The following SNX29 variants were observed in gnomAD, a reference collection of about 807,000 sequenced individuals.
The protein encoded by SNX29 is sorting nexin 29.
In SNX29, 78 loss-of-function variants were observed where a neutral mutation model predicts 102.1. That is an observed-to-expected ratio of 0.76 (90% CI 0.64 to 0.92). SNX29 has a LOEUF of 0.92. SNX29 is among the 40% of genes least tolerant of loss of function. The probability of loss-of-function intolerance (pLI) is 0.00; values close to 1 mark genes in which losing one functional copy is unlikely to be tolerated. For missense variants in SNX29, 1,280 were observed against 1,061.7 expected, an observed-to-expected ratio of 1.21 and a Z score of -2.86; for synonymous variants, 580 against 414.5, an observed-to-expected ratio of 1.40 and a Z score of -4.85.
intron 14 of SNX29, among the ~76,000 whole-genome samples, chr16:12,213,690 A>G (rs1047116561): frequency 1.9e-4 from 29 of 152,230 alleles, no homozygotes; most frequent in African/African-American, 6.0e-4. Flanking sequence ...TGAGAATTAT[A>G]GAGCAAACCT....
chr16:12,404,924 A>G (rs1285630380), intron 18 of SNX29, among the ~76,000 whole-genome samples: 1 of 152,244 alleles, frequency 6.6e-6, no homozygotes, highest in African/African-American at 2.4e-5. Context: ...CAGATGAGCT[A>G]GACTTTGGCA....
intron 18 of SNX29, among the ~76,000 whole-genome samples, chr16:12,418,650 G>A (rs1342760653): frequency 6.6e-6 from 1 of 152,168 alleles, no homozygotes; most frequent in Non-Finnish European, 1.5e-5. Context: ...GAGTAGCTGG[G>A]ATTACAGGTG....
intron 20 of SNX29, among the ~76,000 whole-genome samples, chr16:12,531,382 G>C (rs941869366): frequency 3.9e-5 from 6 of 152,098 alleles, no homozygotes; most frequent in Non-Finnish European, 2.9e-5. Context: ...TGGATGGATT[G>C]GGCGATGGGC....
chr16:12,280,762 G>GT (rs1216876552), intron 15 of SNX29, among the ~76,000 whole-genome samples: 4 of 152,154 alleles, frequency 2.6e-5, no homozygotes, highest in Admixed American at 6.5e-5. Flanking sequence ...AACGTTCTTT[G>GT]TGATGCTTCT....
At chr16:12,206,384 CAAAAAA>C (rs59859762) in intron 14 of SNX29, among the ~76,000 whole-genome samples, 5 of 92,136 alleles carry the variant, frequency 5.4e-5, no homozygotes, top group South Asian at 3.7e-4. Context: ...AAATAGCTTT[CAAAAAA>C]AAAAAAAAAA....
chr16:12,551,680 A>G (rs1001587575), intron 20 of SNX29, among the ~76,000 whole-genome samples: 3 of 152,202 alleles, frequency 2.0e-5, no homozygotes, highest in Non-Finnish European at 2.9e-5. Flanking sequence ...CAGTAGGATA[A>G]AAGTACCACC....
chr16:12,157,516 G>A (rs765659348), intron 13 of SNX29, among the ~76,000 whole-genome samples: 8 of 152,172 alleles, frequency 5.3e-5, no homozygotes, highest in Non-Finnish European at 1.2e-4. Flanking sequence ...GTGCTCTGCA[G>A]TATTATCCTT....
intron 19 of SNX29, among the ~76,000 whole-genome samples, chr16:12,487,468 G>A (rs12051333): frequency 6.6e-5 from 10 of 152,120 alleles, no homozygotes; most frequent in African/African-American, 2.2e-4. Flanking sequence ...AACTGGGGCT[G>A]AGGGGCAATA....
rs985672042 is a variant in SNX29 at position 12,178,857 on chromosome 16, G to A, written c.1596-20744G>A. Among the ~76,000 whole-genome samples, 60 of 152,194 alleles carry A rather than the reference G, an allele frequency of 3.9e-4. 3 individuals carry two copies. ...TGGGCTTCTCTGGAGTTCCTGCTCT[G>A]ATCGTAATAGTGTATTATTTTTCTG... On this transcript the variant is annotated intron_variant, in intron 13 of 20. Transcript: ENST00000566228.
rs374132894 is a variant in SNX29 at position 12,016,793 on chromosome 16, A to G, written c.123-10527A>G. 2.6e-5 allele frequency among the ~76,000 whole-genome samples: 4 copies of G among 151,936 alleles called. No homozygotes were observed. The East Asian group carries it at 7.7e-4, about 29-fold the overall frequency. ...TTTTATTTTTATAGGGTGATTTCCT[A>G]GAAGTGGGATTGCTGGGTCAAAGGG... On this transcript the variant is annotated intron_variant, in intron 3 of 20. Coordinates refer to ENST00000566228, the MANE Select transcript of SNX29 (RefSeq NM_032167.5).
intron 13 of SNX29, among the ~76,000 whole-genome samples, chr16:12,149,520 G>A (rs954325623): frequency 5.9e-5 from 9 of 152,126 alleles, no homozygotes; most frequent in African/African-American, 1.9e-4. Context: ...TTCTGTAGTC[G>A]TCAGTAGATC....
chr16:12,563,697 T>C (rs939363378), intron 20 of SNX29, among the ~76,000 whole-genome samples: 2 of 152,180 alleles, frequency 1.3e-5, no homozygotes, highest in Admixed American at 6.5e-5. Context: ...TGGCCTCATG[T>C]AAGAGGAACA....
In SNX29 at chr16:12,408,161, A is replaced by AAC. The variant is rs1567533166; in HGVS notation, c.2037+4633_2037+4634insCA. On this transcript the variant is annotated intron_variant, in intron 18 of 20. Coordinates refer to ENST00000566228, the MANE Select transcript of SNX29 (RefSeq NM_032167.5). ...GTGGCAGAGCAGGACCCTTCTCAAA[A>AAC]AAACAAACAAACAAACAAAAAAAAA... is the stretch of plus-strand genomic sequence containing the variant. Among the ~76,000 whole-genome samples, 5 of 151,026 alleles carry AAC rather than the reference A, an allele frequency of 3.3e-5. 1 individual carries two copies. The highest frequency in any genetic ancestry group is 1.2e-4 in the African/African-American group (5 of 40,516).
intron 13 of SNX29, among the ~76,000 whole-genome samples, chr16:12,170,503 G>A (rs534912253): frequency 6.6e-6 from 1 of 151,882 alleles, no homozygotes. Flanking sequence ...GCTGGTATGC[G>A]TGTATCAGAA....
intron 20 of SNX29, among the ~76,000 whole-genome samples, chr16:12,528,139 C>A (rs2076836527): frequency 6.6e-6 from 1 of 151,800 alleles, no homozygotes; most frequent in Non-Finnish European, 1.5e-5. Flanking sequence ...ATTTATTTTT[C>A]TTAATTCAAG....
intron 19 of SNX29, among the ~76,000 whole-genome samples, chr16:12,519,083 TC>T (rs2089991724): frequency 1.3e-5 from 2 of 152,154 alleles, no homozygotes; most frequent in Non-Finnish European, 2.9e-5. Flanking sequence ...AATCAGGCAC[TC>T]CCGGCTTAGC....
Position 12,098,202 on chromosome 16 carries a change from C to G in SNX29, c.1402+19287C>G, listed in dbSNP as rs1266635429. The stretch of plus-strand genomic sequence containing the variant: ...CCTCCTTCAACTCCTTTTCCTCCTC[C>G]TCTTCTCCCTCCTGCCCTAGACCTT... On this transcript the variant is annotated intron_variant, in intron 11 of 20. Transcript: ENST00000566228. The surrounding 1 kb of genome is among the most constrained non-coding windows in gnomAD (Gnocchi z 6.0). 6.6e-6 allele frequency among the ~76,000 whole-genome samples: 1 copy of G among 152,188 alleles called. No homozygotes were observed. Among genetic ancestry groups the G allele is most frequent in the Non-Finnish European group, 1.5e-5 (1 of 68,032 alleles).
chr16:12,419,396 C>G (rs1354015833), intron 18 of SNX29, among the ~76,000 whole-genome samples: 1 of 152,128 alleles, frequency 6.6e-6, no homozygotes, highest in Non-Finnish European at 1.5e-5. Context: ...CCACCTCATT[C>G]TTCTCATCAA....
chr16:12,397,693 C>A (rs2151490405), intron 16 of SNX29, among the ~76,000 whole-genome samples: 1 of 152,278 alleles, frequency 6.6e-6, no homozygotes, highest in South Asian at 2.1e-4. Flanking sequence ...GAACATCTAC[C>A]ACTACTGGGC....
Sources: gnomAD v4.1 joint callset for allele counts (sites outside exome capture counted in the v4.1 genomes callset) on GRCh38, gnomAD v4.1.1 for gene constraint, Gnocchi (gnomAD v3.1) non-coding constraint, MANE v1.5 for transcripts, NCBI Gene and HGNC (gene_info 2026-07-23, HGNC 2026-07-21) for gene names.